PIK3C2G: variants seen among roughly 807,000 people sequenced by gnomAD.
PIK3C2G encodes the protein phosphatidylinositol-4-phosphate 3-kinase catalytic subunit type 2 gamma, also known as phosphatidylinositol 3-kinase C2 domain-containing subunit gamma.
PIK3C2G carries 168 observed loss-of-function variants against 181.1 expected under a neutral mutation model. The observed-to-expected ratio is 0.93, with a 90% CI of 0.82 to 1.05. The LOEUF (loss-of-function observed/expected upper bound fraction) is 1.05, where lower values mean the gene tolerates loss of function less well. PIK3C2G is among the 50% of genes least tolerant of loss of function. The pLI is 0.00. For synonymous variants in PIK3C2G, 573 were observed against 592.2 expected (o/e 0.97, Z 0.47); for missense variants, 1,869 against 1,732.8 (o/e 1.08, Z -1.40).
intron 18 of PIK3C2G, among the ~76,000 whole-genome samples, chr12:18,470,591 C>T (rs746603455): frequency 2.6e-5 from 4 of 152,084 alleles, no homozygotes; most frequent in Non-Finnish European, 5.9e-5. Context: ...TTTTCTCAAA[C>T]CTATTTGACC....
intron 5 of PIK3C2G, among the ~76,000 whole-genome samples, chr12:18,301,872 C>T (rs185148928): frequency 3.5e-4 from 54 of 152,272 alleles, no homozygotes; most frequent in Admixed American, 5.2e-4. Context: ...TAGAGGAAGA[C>T]TTTTTCCTAC....
intron 29 of PIK3C2G, among the ~76,000 whole-genome samples, chr12:18,570,834 C>G (rs1016781591): frequency 2.7e-5 from 4 of 150,602 alleles, no homozygotes; most frequent in South Asian, 2.1e-4. Flanking sequence ...AGATCTGGAT[C>G]GACCACATCA....
chr12:18,338,379 CTCATTTATT>C, intron 8 of PIK3C2G, 38 bp from the exon 9 acceptor site: 1 of 1,380,700 alleles, frequency 7.2e-7, no homozygotes, highest in South Asian at 1.3e-5. Context: ...TTAATGTCCC[CTCATTTATT>C]TCAATAGATT....
the PIK3C2G span, among the ~76,000 whole-genome samples, chr12:18,656,937 C>T: frequency 0.82 from 123,844 of 151,846 alleles, 50,651 homozygotes; most frequent in African/African-American, 0.86. Flanking sequence ...GCTCCCAGCT[C>T]AACTTTTTAA....
chr12:18,538,041 A>G lies in PIK3C2G; in HGVS notation c.3324-115A>G, dbSNP rs1035039226. On this transcript the variant is annotated intron_variant, in intron 24 of 32. Transcript: ENST00000538779. ...TCACAATGAAGGAAATTTATCTATTACAGTAGAGAAAAAAAAAAGAAAATT... is the reference window on the plus strand; with the variant it reads ...TCACAATGAAGGAAATTTATCTATTGCAGTAGAGAAAAAAAAAAGAAAATT... 19 of 903,498 alleles carry G rather than the reference A, an allele frequency of 2.1e-5. No individual in the cohort carries two copies. The African/African-American group carries it at 2.7e-4, about 13-fold the overall frequency. The allele number at this position is 903,498 out of a possible 1,614,324, so 56.0% of individuals were successfully genotyped here.
At chr12:18,438,402 G>A (rs143492456) in intron 18 of PIK3C2G, among the ~76,000 whole-genome samples, 1 of 151,854 alleles carries the variant, frequency 6.6e-6, no homozygotes, top group Non-Finnish European at 1.5e-5. Flanking sequence ...CTCTGACTGA[G>A]AGAGTGTTGC....
Position 18,647,924 on chromosome 12 carries a change from AT to A in PIK3C2G, c.4359del (p.Ile1453MetfsTer2). 6.3e-7 allele frequency: 1 copy of A among 1,597,764 alleles called. No individual in the cohort carries two copies. The highest frequency in any genetic ancestry group is 8.5e-7 in the Non-Finnish European group (1 of 1,169,806). On this transcript the variant is annotated frameshift_variant, in exon 33 of 33. Transcript: ENST00000538779. LOFTEE classifies it high-confidence loss of function. ...TELQGHVLML[I>X]VKSKTVFVGA... Reference sequence around the variant, plus strand: ...GCTCCAAGGACATGTCTTAATGCTTATTGTGAAGAGTAAAACTGTATTTGTG... The same window carrying A: ...GCTCCAAGGACATGTCTTAATGCTTATGTGAAGAGTAAAACTGTATTTGTG...
chr12:18,484,547 T>G (rs933688478), intron 18 of PIK3C2G, among the ~76,000 whole-genome samples: 4 of 152,206 alleles, frequency 2.6e-5, no homozygotes, highest in African/African-American at 9.6e-5. Context: ...GATTGGAATT[T>G]GCATTATCTG....
intron 18 of PIK3C2G, among the ~76,000 whole-genome samples, chr12:18,451,356 CT>C (rs1224360778): frequency 1.1e-4 from 17 of 152,146 alleles, no homozygotes; most frequent in Non-Finnish European, 1.5e-5. Context: ...TGGGAGTTCA[CT>C]CATGATTTGG....
chr12:18,616,595 T>C (rs1473635243), intron 31 of PIK3C2G, among the ~76,000 whole-genome samples: 1 of 152,082 alleles, frequency 6.6e-6, no homozygotes, highest in African/African-American at 2.4e-5. Context: ...CCAGATGACA[T>C]AGCCATCAAT....
At chr12:18,648,697 C>G (rs1023007115), downstream of PIK3C2G, among the ~76,000 whole-genome samples, 2 of 152,168 alleles carry the variant, frequency 1.3e-5, no homozygotes, top group Admixed American at 6.6e-5. Context: ...TCCAAGATCT[C>G]AAACTCTGAA....
chr12:18,284,202 A>T (rs1392491133), intron 2 of PIK3C2G, among the ~76,000 whole-genome samples: 1 of 152,154 alleles, frequency 6.6e-6, no homozygotes, highest in East Asian at 1.9e-4. Context: ...ACAGACTTGA[A>T]GTTACAACGC....
chr12:18,543,606 A>G lies in PIK3C2G; in HGVS notation c.3481-2717A>G, dbSNP rs564085520. 3.3e-5 allele frequency among the ~76,000 whole-genome samples: 5 copies of G among 152,098 alleles called. No homozygotes were observed. The East Asian group carries it at 9.7e-4, about 30-fold the overall frequency. On this transcript the variant is annotated intron_variant, in intron 25 of 32. Transcript: ENST00000538779. ...GGAGTCCAGCTTCAATCTTCTGCAT[A>G]TGGCTAGCCAGTTATCCCAACAGCA...
chr12:18,562,298 AT>A (rs1393490570), intron 26 of PIK3C2G, among the ~76,000 whole-genome samples: 11 of 151,808 alleles, frequency 7.2e-5, no homozygotes, highest in Non-Finnish European at 1.0e-4. Flanking sequence ...CGCCCGGCTA[AT>A]TTTTTTGTAT....
chr12:18,292,532 A>G (rs1254393161), intron 4 of PIK3C2G, among the ~76,000 whole-genome samples: 1 of 151,998 alleles, frequency 6.6e-6, no homozygotes, highest in Non-Finnish European at 1.5e-5. Context: ...TATTCGGCCA[A>G]GATCAATGAT....
At chr12:18,391,360 C>G (rs1943521347) in intron 15 of PIK3C2G, 108 bp downstream of exon 15, 2 of 739,272 alleles carry the variant, frequency 2.7e-6, no homozygotes, top group African/African-American at 3.6e-5. Flanking sequence ...TCCTACATAA[C>G]TGGTTTCATT....
chr12:18,301,566 T>A (rs1230067982), intron 5 of PIK3C2G, among the ~76,000 whole-genome samples: 1 of 152,064 alleles, frequency 6.6e-6, no homozygotes, highest in Non-Finnish European at 1.5e-5. Context: ...TTGTTCCTTT[T>A]TTATTATTTT....
chr12:18,629,352 A>T (rs184136576), intron 31 of PIK3C2G, among the ~76,000 whole-genome samples: 1 of 152,308 alleles, frequency 6.6e-6, no homozygotes, highest in African/African-American at 2.4e-5. Flanking sequence ...GGTCATCATC[A>T]GCTCCTAGGA....
the PIK3C2G span, among the ~76,000 whole-genome samples, chr12:18,656,360 G>A: frequency 2.7e-4 from 41 of 151,970 alleles, no homozygotes; most frequent in African/African-American, 9.4e-4. Flanking sequence ...GGTGGATCAC[G>A]AGCTCAGTAG....
Sources: allele counts gnomAD v4.1 joint callset (sites outside exome capture counted in the v4.1 genomes callset), GRCh38; gene constraint gnomAD v4.1.1; transcripts MANE v1.5; gene names NCBI Gene and HGNC (gene_info 2026-07-23, HGNC 2026-07-21).